PLCB1: variants seen among roughly 807,000 people sequenced by gnomAD.
The protein encoded by PLCB1 is phospholipase C beta 1.
A neutral mutation model predicts 161.8 loss-of-function variants in PLCB1; 46 were observed. The ratio of observed to expected loss-of-function variants is 0.28; its 90% CI spans 0.22 to 0.36. The LOEUF (loss-of-function observed/expected upper bound fraction) is 0.36. PLCB1 is among the 10% of genes least tolerant of loss of function. The probability of loss-of-function intolerance (pLI) is 1.00; values close to 1 mark genes in which losing one functional copy is unlikely to be tolerated. For synonymous variants in PLCB1, 517 were observed against 503.7 expected (o/e 1.03, Z -0.35); for missense variants, 1,016 against 1,472.5 (o/e 0.69, Z 5.07).
intron 3 of PLCB1, among the ~76,000 whole-genome samples, chr20:8,568,835 A>G (rs1986419048): frequency 6.6e-6 from 1 of 152,318 alleles, no homozygotes; most frequent in East Asian, 1.9e-4. Flanking sequence ...CTGGAAGGTG[A>G]TGTCAACAAG....
intron 3 of PLCB1, among the ~76,000 whole-genome samples, chr20:8,381,941 T>A (rs1276794889): frequency 6.6e-6 from 1 of 152,186 alleles, no homozygotes; most frequent in African/African-American, 2.4e-5. Flanking sequence ...GTTTTTCATG[T>A]CTCTATCTCC....
At chr20:8,766,253 C>T (rs555498183) in intron 26 of PLCB1, among the ~76,000 whole-genome samples, 1 of 152,220 alleles carries the variant, frequency 6.6e-6, no homozygotes, top group Admixed American at 6.5e-5. Context: ...ACAACAAACA[C>T]ACAGCATCAT....
At chr20:8,722,244 C>A in intron 14 of PLCB1, 110 bp from the exon 15 acceptor site, 8 of 753,884 alleles carry the variant, frequency 1.1e-5, no homozygotes, top group South Asian at 4.1e-5. Context: ...TTTAAACAGC[C>A]CAACTTCCAA....
At chr20:8,233,539 C>G (rs549158540) in intron 2 of PLCB1, among the ~76,000 whole-genome samples, 2 of 152,140 alleles carry the variant, frequency 1.3e-5, no homozygotes, top group South Asian at 4.2e-4. Context: ...TTTTTCTTTC[C>G]TTTACCTTTT....
chr20:8,692,330 C>G (rs967372591), intron 10 of PLCB1, among the ~76,000 whole-genome samples: 1 of 152,176 alleles, frequency 6.6e-6, no homozygotes, highest in Non-Finnish European at 1.5e-5. Context: ...CTCTCCCACT[C>G]ATTTAGCCCT....
intron 27 of PLCB1, among the ~76,000 whole-genome samples, chr20:8,780,987 T>C (rs556366093): frequency 6.6e-6 from 1 of 152,218 alleles, no homozygotes; most frequent in Non-Finnish European, 1.5e-5. Context: ...TATAAACAAG[T>C]ATTACAGTTT....
At chr20:8,494,612 G>A (rs1031115944) in intron 3 of PLCB1, among the ~76,000 whole-genome samples, 2 of 152,170 alleles carry the variant, frequency 1.3e-5, no homozygotes, top group Admixed American at 6.5e-5. Context: ...CTGTAATTCT[G>A]AGTGTTCTTT....
At chr20:8,544,065 G>A (rs1340165437) in intron 3 of PLCB1, among the ~76,000 whole-genome samples, 1 of 152,060 alleles carries the variant, frequency 6.6e-6, no homozygotes, top group African/African-American at 2.4e-5. Flanking sequence ...CCTTATGTGG[G>A]TACTATGCTC....
intron 2 of PLCB1, among the ~76,000 whole-genome samples, chr20:8,224,854 G>C (rs545725598): frequency 1.3e-5 from 2 of 151,984 alleles, no homozygotes; most frequent in Admixed American, 1.3e-4. Context: ...GATGAGTTTC[G>C]TCTGGTTTTG....
intron 2 of PLCB1, among the ~76,000 whole-genome samples, chr20:8,337,531 A>G (rs1030603886): frequency 2.0e-5 from 3 of 152,298 alleles, no homozygotes; most frequent in African/African-American, 7.2e-5. Flanking sequence ...TTTCTAACTT[A>G]TTTATTGAAT....
rs145881457 is a variant in PLCB1, at chr20:8,843,343, A to G, written c.3424-38279A>G. 2.2e-3 allele frequency among the ~76,000 whole-genome samples: 335 copies of G among 152,330 alleles called. 1 individual carries two copies. Among genetic ancestry groups the G allele is most frequent in the African/African-American group, 7.6e-3 (314 of 41,578 alleles). The stretch of plus-strand genomic sequence containing the variant: ...ATGGAACCCCTGTAAAGTAGTAACT[A>G]TTTCAAAGTTAGGATCTCCTGGCTT... On this transcript the variant is annotated intron_variant, in intron 31 of 31. Coordinates refer to ENST00000338037, the MANE Select transcript of PLCB1 (RefSeq NM_015192.4).
chr20:8,731,222 C>G (rs1193500983), intron 18 of PLCB1, among the ~76,000 whole-genome samples: 2 of 151,846 alleles, frequency 1.3e-5, no homozygotes, highest in African/African-American at 2.4e-5. Flanking sequence ...TACATAATAG[C>G]TGTACAAACG....
At chr20:8,444,228 C>T (rs1438459561) in intron 3 of PLCB1, among the ~76,000 whole-genome samples, 1 of 151,804 alleles carries the variant, frequency 6.6e-6, no homozygotes, top group Non-Finnish European at 1.5e-5. Context: ...TGTGATGTTC[C>T]CCACCCTGTC....
At chr20:8,549,205 A>AT (rs1050227373) in intron 3 of PLCB1, among the ~76,000 whole-genome samples, 3 of 151,988 alleles carry the variant, frequency 2.0e-5, no homozygotes, top group Admixed American at 6.6e-5. Flanking sequence ...ATAAATATAT[A>AT]TTTTTTTAAA....
chr20:8,701,525 C>G (rs1216346722), intron 11 of PLCB1, among the ~76,000 whole-genome samples: 1 of 152,170 alleles, frequency 6.6e-6, no homozygotes, highest in Non-Finnish European at 1.5e-5. Flanking sequence ...CCTGACACCC[C>G]CACTTTTTAG....
At chr20:8,299,911 TATA>T (rs1983819073) in intron 2 of PLCB1, among the ~76,000 whole-genome samples, 1 of 152,218 alleles carries the variant, frequency 6.6e-6, no homozygotes, top group African/African-American at 2.4e-5. Context: ...AGGGCGCAGC[TATA>T]ATGTTGCCTT....
intron 7 of PLCB1, among the ~76,000 whole-genome samples, chr20:8,656,537 A>G (rs1179676726): frequency 6.6e-6 from 1 of 152,064 alleles, no homozygotes; most frequent in Non-Finnish European, 1.5e-5. Context: ...CCAAACAGAA[A>G]AATAAGTCAT....
chr20:8,684,852 C>A, intron 9 of PLCB1, 80 bp from the exon 10 acceptor site: 1 of 1,049,128 alleles, frequency 9.5e-7, no homozygotes, highest in Non-Finnish European at 1.4e-6. Context: ...CAAGATATTT[C>A]TGGAAAAAAA....
At chr20:8,689,750 C>A (rs987489118) in intron 10 of PLCB1, among the ~76,000 whole-genome samples, 2 of 151,548 alleles carry the variant, frequency 1.3e-5, no homozygotes, top group African/African-American at 4.8e-5. Context: ...AAATTAATTT[C>A]TTCTGAAGTC....
Sources: allele counts gnomAD v4.1 joint callset (sites outside exome capture counted in the v4.1 genomes callset), GRCh38; gene constraint gnomAD v4.1.1; transcripts MANE v1.5; gene names NCBI Gene and HGNC (gene_info 2026-07-23, HGNC 2026-07-21).